The following SLIT3 variants were observed in gnomAD, a reference collection of about 807,000 sequenced individuals.
SLIT3 encodes slit homolog 3 protein.
A neutral mutation model predicts 184.0 loss-of-function variants in SLIT3; 68 were observed. The observed-to-expected ratio is 0.37, with a 90% CI of 0.30 to 0.45. SLIT3 has a LOEUF of 0.45. SLIT3 is among the 20% of genes least tolerant of loss of function. The pLI is 1.00. For synonymous variants in SLIT3, 831 were observed against 828.6 expected (o/e 1.00, Z -0.05); for missense variants, 1,707 against 2,026.0 (o/e 0.84, Z 3.02).
intron 4 of SLIT3, among the ~76,000 whole-genome samples, chr5:168,923,168 T>C (rs912370527): frequency 2.0e-5 from 3 of 152,246 alleles, no homozygotes; most frequent in African/African-American, 7.2e-5. Flanking sequence ...AATGCCTTGA[T>C]TGAGAATGTT....
In SLIT3 at chr5:169,300,383, G is replaced by C. The variant is rs972326057; in HGVS notation, c.197+130C>G. ...CCCCCAGCTCGGAGAGTGAGGGATC[G>C]TATCCAGGAAGGGATGAGAATAGAG... On this transcript the variant is annotated intron_variant, in intron 1 of 35. Coordinates refer to ENST00000519560, the MANE Select transcript of SLIT3 (RefSeq NM_003062.4). The surrounding 1 kb of genome is among the most constrained non-coding windows in gnomAD (Gnocchi z 4.1). The C allele has an allele frequency of 6.0e-5, 71 of 1,181,600 alleles. 1 individual carries two copies. The highest frequency in any genetic ancestry group is 1.2e-4 in the Admixed American group (3 of 24,366). 73.2% of individuals were successfully genotyped at this position (1,181,600 alleles called of 1,614,324 possible). A position where few individuals can be genotyped will look rare whatever the true frequency, so the allele number is the denominator to read the frequency against.
intron 4 of SLIT3, among the ~76,000 whole-genome samples, chr5:169,098,490 G>A (rs1361159612): frequency 1.3e-5 from 2 of 152,144 alleles, no homozygotes; most frequent in Admixed American, 6.5e-5. Flanking sequence ...ATGCACAGAG[G>A]ACTCCATTTT....
intron 4 of SLIT3, among the ~76,000 whole-genome samples, chr5:169,009,813 A>T (rs183522680): frequency 2.9e-3 from 439 of 152,372 alleles, no homozygotes; most frequent in Non-Finnish European, 5.1e-3. Flanking sequence ...AATATAGGGT[A>T]TAATTAAATA....
intron 3 of SLIT3, among the ~76,000 whole-genome samples, chr5:169,200,649 T>C (rs930971123): frequency 6.6e-6 from 1 of 152,146 alleles, no homozygotes; most frequent in Non-Finnish European, 1.5e-5. Flanking sequence ...CAGATGTCAC[T>C]ATAAATCGGG....
chr5:168,960,310 G>A (rs1451689616), intron 4 of SLIT3, among the ~76,000 whole-genome samples: 3 of 152,228 alleles, frequency 2.0e-5, no homozygotes, highest in Non-Finnish European at 4.4e-5. Flanking sequence ...AAGGAGCCAT[G>A]CCTCTTCTCT....
chr5:168,853,927 C>T (rs1758765136), intron 5 of SLIT3, among the ~76,000 whole-genome samples: 1 of 152,222 alleles, frequency 6.6e-6, no homozygotes, highest in African/African-American at 2.4e-5. Flanking sequence ...GGAGACCTTC[C>T]TGTACAAACT....
At chr5:169,292,256 A>C (rs1451677772) in intron 1 of SLIT3, among the ~76,000 whole-genome samples, 1 of 152,238 alleles carries the variant, frequency 6.6e-6, no homozygotes, top group East Asian at 1.9e-4. Context: ...AGGAGAGAAT[A>C]ACACACATAT....
intron 4 of SLIT3, among the ~76,000 whole-genome samples, chr5:168,980,253 G>C (rs1754903636): frequency 6.6e-6 from 1 of 152,060 alleles, no homozygotes; most frequent in Non-Finnish European, 1.5e-5. Context: ...GTTCTATGGA[G>C]TGGTGCCCGG....
chr5:168,784,423 T>C (rs2113571523), intron 12 of SLIT3, among the ~76,000 whole-genome samples: 1 of 152,118 alleles, frequency 6.6e-6, no homozygotes, highest in East Asian at 1.9e-4. Flanking sequence ...AAGACAGAGA[T>C]GGGGGAGATG....
chr5:168,814,827 C>T (rs1346832553), intron 8 of SLIT3, among the ~76,000 whole-genome samples: 2 of 152,310 alleles, frequency 1.3e-5, no homozygotes, highest in African/African-American at 4.8e-5. Flanking sequence ...TCCACATGCA[C>T]CTGACTCATG....
At chr5:169,110,027 C>T (rs35658159) in intron 4 of SLIT3, among the ~76,000 whole-genome samples, 39,865 of 152,050 alleles carry the variant, frequency 0.26, 5,739 homozygotes, top group East Asian at 0.51. Flanking sequence ...ACCCCTGGAG[C>T]ATTACACTTG....
At chr5:168,969,770 G>C (rs897472801) in intron 4 of SLIT3, among the ~76,000 whole-genome samples, 1 of 152,214 alleles carries the variant, frequency 6.6e-6, no homozygotes, top group African/African-American at 2.4e-5. Flanking sequence ...CTCCTGGAGA[G>C]CGGGAAGGGA....
At chr5:168,979,138 T>C (rs976599045) in intron 4 of SLIT3, among the ~76,000 whole-genome samples, 1 of 152,216 alleles carries the variant, frequency 6.6e-6, no homozygotes, top group Non-Finnish European at 1.5e-5. Context: ...AACTGGACTC[T>C]CCTCTTTCCG....
intron 5 of SLIT3, among the ~76,000 whole-genome samples, chr5:168,870,303 G>C (rs974412973): frequency 2.0e-5 from 3 of 152,244 alleles, no homozygotes; most frequent in Non-Finnish European, 4.4e-5. Context: ...CAAGAAGGAA[G>C]GGAGAATGGC....
chr5:168,827,327 G>C (rs1322722159), intron 6 of SLIT3, among the ~76,000 whole-genome samples: 1 of 152,182 alleles, frequency 6.6e-6, no homozygotes, highest in Non-Finnish European at 1.5e-5. Context: ...TCTTTCAGGG[G>C]AGAATTTGCT....
chr5:169,192,166 C>G (rs1341235872), intron 4 of SLIT3, among the ~76,000 whole-genome samples: 1 of 152,014 alleles, frequency 6.6e-6, no homozygotes, highest in East Asian at 1.9e-4. Context: ...ACAGCATTTC[C>G]TCCGCCCCCA....
At chr5:168,987,958 T>C (rs998528328) in intron 4 of SLIT3, among the ~76,000 whole-genome samples, 1 of 152,184 alleles carries the variant, frequency 6.6e-6, no homozygotes, top group African/African-American at 2.4e-5. Context: ...CTGAAGCAGA[T>C]CAAACAAGTC....
At chr5:168,943,477 C>A (rs1405017957) in intron 4 of SLIT3, among the ~76,000 whole-genome samples, 5 of 152,164 alleles carry the variant, frequency 3.3e-5, no homozygotes, top group Non-Finnish European at 5.9e-5. Flanking sequence ...TCATGCTAGG[C>A]TAAGAACAGC....
At chr5:168,701,922 C>T (rs1334366866) in intron 26 of SLIT3, among the ~76,000 whole-genome samples, 1 of 152,230 alleles carries the variant, frequency 6.6e-6, no homozygotes, top group Non-Finnish European at 1.5e-5. Flanking sequence ...TGCGACGCTG[C>T]AGCCAACTGG....
Sources: allele counts gnomAD v4.1 joint callset (sites outside exome capture counted in the v4.1 genomes callset), GRCh38; gene constraint gnomAD v4.1.1; non-coding constraint Gnocchi (gnomAD v3.1); transcripts MANE v1.5; gene names NCBI Gene and HGNC (gene_info 2026-07-23, HGNC 2026-07-21).